FREM1: variants seen among roughly 807,000 people sequenced by gnomAD.
FREM1 encodes the protein FRAS1 related extracellular matrix 1.
A neutral mutation model predicts 210.1 loss-of-function variants in FREM1; 220 were observed. The ratio of observed to expected loss-of-function variants is 1.05; its 90% CI spans 0.94 to 1.17. The LOEUF (loss-of-function observed/expected upper bound fraction) is 1.17, where lower values mean the gene tolerates loss of function less well. FREM1 is among the 50% of genes most tolerant of loss of function. The pLI is 0.00. For synonymous variants in FREM1, 1,189 were observed against 980.2 expected, an observed-to-expected ratio of 1.21 and a Z score of -3.98; for missense variants, 3,454 against 2,675.5, an observed-to-expected ratio of 1.29 and a Z score of -6.42.
intron 5 of FREM1, among the ~76,000 whole-genome samples, chr9:14,855,919 A>T (rs1452087430): frequency 1.3e-5 from 2 of 152,164 alleles, no homozygotes; most frequent in Non-Finnish European, 1.5e-5. Flanking sequence ...AAGTGAAAGG[A>T]GTTTTGTGTT....
chr9:14,768,157 A>C lies in FREM1; in HGVS notation c.5204+1567T>G, dbSNP rs761603822. 4.6e-5 allele frequency among the ~76,000 whole-genome samples: 7 copies of C among 152,224 alleles called. No homozygotes were observed. In the South Asian group the frequency reaches 8.3e-4, roughly 18 times the overall value. ...AGCCTAGCATCATTACTGGGGGAAGAAAATCCTCTGTCAGCTACACTGCGC... is the reference window on the plus strand; with the variant it reads ...AGCCTAGCATCATTACTGGGGGAAGCAAATCCTCTGTCAGCTACACTGCGC... On this transcript the variant is annotated intron_variant, in intron 27 of 36. Transcript: ENST00000380880.
intron 25 of FREM1, among the ~76,000 whole-genome samples, chr9:14,773,118 C>G (rs541459261): frequency 6.6e-6 from 1 of 152,132 alleles, no homozygotes; most frequent in African/African-American, 2.4e-5. Flanking sequence ...TTAAAGAAAG[C>G]TCTGTCCCCT....
chr9:14,806,623 G>A (rs747275913), intron 18 of FREM1, 38 bp downstream of exon 18: 1 of 1,185,372 alleles, frequency 8.4e-7, no homozygotes, highest in Non-Finnish European at 1.2e-6. Context: ...ATAAATATAA[G>A]GAAGGGAGTC....
intron 1 of FREM1, among the ~76,000 whole-genome samples, chr9:14,898,579 C>T (rs1018999161): frequency 2.0e-5 from 3 of 151,912 alleles, no homozygotes; most frequent in African/African-American, 7.3e-5. Flanking sequence ...TCGTCACTAC[C>T]AAAAATACAA....
At chr9:14,905,694 G>A (rs1400245387) in intron 1 of FREM1, among the ~76,000 whole-genome samples, 3 of 152,130 alleles carry the variant, frequency 2.0e-5, no homozygotes, top group African/African-American at 7.2e-5. Flanking sequence ...TTCAAGAGCA[G>A]CCTGGCCAAC....
At chr9:14,871,015 T>C (rs907734394) in intron 1 of FREM1, among the ~76,000 whole-genome samples, 12 of 152,214 alleles carry the variant, frequency 7.9e-5, no homozygotes, top group African/African-American at 2.9e-4. Flanking sequence ...TAGTATTCCA[T>C]GGTGTATATG....
chr9:14,838,642 A>G (rs1258438323), intron 10 of FREM1, among the ~76,000 whole-genome samples: 1 of 152,150 alleles, frequency 6.6e-6, no homozygotes, highest in Non-Finnish European at 1.5e-5. Context: ...ATTTCCTCCT[A>G]GTTTCAGTAA....
At chr9:14,824,630 T>C (rs1301941371) in intron 11 of FREM1, among the ~76,000 whole-genome samples, 166 bp downstream of exon 11, 2 of 152,154 alleles carry the variant, frequency 1.3e-5, no homozygotes, top group Non-Finnish European at 2.9e-5. Flanking sequence ...CAAAGGGAGA[T>C]AGGAAGTTGT....
intron 1 of FREM1, among the ~76,000 whole-genome samples, chr9:14,879,355 T>G (rs560035155): frequency 6.6e-6 from 1 of 152,072 alleles, no homozygotes; most frequent in Non-Finnish European, 1.5e-5. Context: ...TGCCACACCA[T>G]GAGACTTCCT....
chr9:14,852,427 C>G (rs992150225), intron 5 of FREM1, among the ~76,000 whole-genome samples: 7 of 152,174 alleles, frequency 4.6e-5, no homozygotes, highest in African/African-American at 1.7e-4. Context: ...GTAGCTCACG[C>G]CTGCAATCCC....
At chr9:14,905,093 T>TA (rs879462491) in intron 1 of FREM1, among the ~76,000 whole-genome samples, 17 of 147,958 alleles carry the variant, frequency 1.1e-4, no homozygotes, top group African/African-American at 1.2e-4. Flanking sequence ...TCGCAGCCAT[T>TA]AAAAAAAAAA....
rs76503797 is a variant in FREM1, at chr9:14,907,736, C to T, written c.-268+2178G>A. Among the ~76,000 whole-genome samples the T allele has an allele frequency of 4.0e-4, 61 of 152,296 alleles. No individual in the cohort carries two copies. The East Asian group carries it at 0.011, about 27-fold the overall frequency. On this transcript the variant is annotated intron_variant, in intron 1 of 36. Transcript: ENST00000380880. Reference sequence around the variant, plus strand: ...AAAATTTTTGAAGAAAAGCAATTAGCGAAATCTTTAGGCCTATTCTCAGAG... The same window carrying T: ...AAAATTTTTGAAGAAAAGCAATTAGTGAAATCTTTAGGCCTATTCTCAGAG...
intron 4 of FREM1, among the ~76,000 whole-genome samples, chr9:14,858,882 T>C (rs1345019861): frequency 2.0e-5 from 3 of 152,340 alleles, no homozygotes; most frequent in Admixed American, 2.0e-4. Flanking sequence ...ACTGTGTGTA[T>C]GTATAACCTC....
intron 5 of FREM1, among the ~76,000 whole-genome samples, chr9:14,854,002 C>G (rs1828252847): frequency 6.6e-6 from 1 of 152,090 alleles, no homozygotes; most frequent in South Asian, 2.1e-4. Flanking sequence ...CAATCATATG[C>G]TAGAACTGAA....
At position 14,846,008 on chromosome 9, in the gene FREM1, G is replaced by A. The variant is rs148995688; in HGVS notation, c.1345C>T (p.Arg449Trp). The change falls in exon 8 of 37, where the codon CGG becomes TGG. Residue 449 changes from arginine to tryptophan, a missense_variant. Transcript: ENST00000380880. Reference protein sequence around the residue: ...VVDNDDIGAVRLVTVGGLQHG... With the variant: ...VVDNDDIGAVWLVTVGGLQHG... ...TGCAGGCCACCAACGGTGACTAGCC[G>A]GACAGCACCAATGTCGTCATTGTCG... is the stretch of plus-strand genomic sequence containing the variant. The A allele has an allele frequency of 1.6e-4, 260 of 1,612,886 alleles. No individual in the cohort carries two copies. Among genetic ancestry groups the A allele is most frequent in the South Asian group, 5.1e-4 (46 of 90,744 alleles).
chr9:14,857,996 A>C (rs1173520552), intron 4 of FREM1, among the ~76,000 whole-genome samples: 1 of 152,196 alleles, frequency 6.6e-6, no homozygotes, highest in Non-Finnish European at 1.5e-5. Flanking sequence ...GAGAAAAAAT[A>C]ATAAAATATG....
intron 3 of FREM1, among the ~76,000 whole-genome samples, chr9:14,861,064 C>CATATACAT (rs1327182968): frequency 2.4e-5 from 1 of 41,244 alleles, no homozygotes; most frequent in Non-Finnish European, 4.4e-5. Flanking sequence ...CATATATACA[C>CATATACAT]ATATACATAT....
At chr9:14,839,760 C>T (rs1285967209) in intron 10 of FREM1, among the ~76,000 whole-genome samples, 4 of 152,164 alleles carry the variant, frequency 2.6e-5, no homozygotes, top group Admixed American at 2.0e-4. Flanking sequence ...CTGAATTTTT[C>T]ATTTTTAAAA....
intron 7 of FREM1, among the ~76,000 whole-genome samples, chr9:14,847,747 T>C (rs184564034): frequency 1.6e-4 from 25 of 152,290 alleles, no homozygotes; most frequent in African/African-American, 5.8e-4. Context: ...CAAAATGACA[T>C]TGAGCAAACC....
Sources: gnomAD v4.1 joint callset for allele counts (sites outside exome capture counted in the v4.1 genomes callset) on GRCh38, gnomAD v4.1.1 for gene constraint, MANE v1.5 for transcripts, NCBI Gene and HGNC (gene_info 2026-07-23, HGNC 2026-07-21) for gene names.